The following TSGA13 variants were observed in gnomAD, a reference collection of about 807,000 sequenced individuals.
TSGA13 encodes testis-specific gene 13 protein.
A neutral mutation model predicts 35.1 loss-of-function variants in TSGA13; 37 were observed. That is an observed-to-expected ratio of 1.05 (90% CI 0.81 to 1.39). The LOEUF (loss-of-function observed/expected upper bound fraction) is 1.39, where lower values mean the gene tolerates loss of function less well. Ranked by LOEUF, TSGA13 falls within the 40% of genes most tolerant of loss-of-function variation. TSGA13 has a pLI of 0.00. For missense variants in TSGA13, 338 were observed against 328.5 expected (o/e 1.03, Z -0.22); for synonymous variants, 124 against 121.2 (o/e 1.02, Z -0.15).
intron 3 of TSGA13, among the ~76,000 whole-genome samples, chr7:130,683,036 G>GT (rs1247220071): frequency 1.2e-4 from 19 of 152,116 alleles, no homozygotes; most frequent in Admixed American, 1.0e-3. Flanking sequence ...TCTCTTACAG[G>GT]TTTTTTAAAA....
At chr7:130,673,047 G>A (rs1475821670) in intron 5 of TSGA13, among the ~76,000 whole-genome samples, 171 bp from the exon 6 acceptor site, 1 of 152,136 alleles carries the variant, frequency 6.6e-6, no homozygotes, top group East Asian at 1.9e-4. Flanking sequence ...CCGTTCCCTG[G>A]GAGGGAAAAC....
intron 5 of TSGA13, among the ~76,000 whole-genome samples, chr7:130,675,016 C>A (rs1217357909): frequency 2.0e-5 from 3 of 152,074 alleles, no homozygotes; most frequent in African/African-American, 7.2e-5. Flanking sequence ...AGATAACTAT[C>A]CAGCCATAAG....
chr7:130,672,869 T>C lies in TSGA13; in HGVS notation c.395A>G (p.His132Arg). The change falls in exon 6 of 8, where the codon CAT becomes CGT. Residue 132 changes from histidine (H) to arginine (R), a missense_variant. Coordinates refer to ENST00000356588, the MANE Select transcript of TSGA13 (RefSeq NM_052933.4). Reference sequence around the variant, plus strand: ...GTTCTCAGTGGGTTTGTGCTGATGATGACTTTCCTGTAGGGAAACGAGGGA... The same window carrying C: ...GTTCTCAGTGGGTTTGTGCTGATGACGACTTTCCTGTAGGGAAACGAGGGA... ...KELLLKVMES[H>R]HQHKPTENLW... 1 of 1,613,586 alleles carries C rather than the reference T, an allele frequency of 6.2e-7. No individual in the cohort carries two copies. The highest frequency in any genetic ancestry group is 8.5e-7 in the Non-Finnish European group (1 of 1,179,784).
chr7:130,671,790 T>A lies in TSGA13; in HGVS notation c.531-2A>T. 6.3e-7 allele frequency: 1 copy of A among 1,574,830 alleles called. No homozygotes were observed. The highest frequency in any genetic ancestry group is 8.6e-7 in the Non-Finnish European group (1 of 1,156,238). ...TTGAAATCATTGTCAGTGGAAAACCTTAACAAAGAAAGTTCTTTGTTTAGT... is the reference window on the plus strand; with the variant it reads ...TTGAAATCATTGTCAGTGGAAAACCATAACAAAGAAAGTTCTTTGTTTAGT... On this transcript the variant is annotated splice_acceptor_variant, in intron 6 of 7. Coordinates refer to ENST00000356588, the MANE Select transcript of TSGA13 (RefSeq NM_052933.4). LOFTEE classifies it high-confidence loss of function.
Position 130,672,791 on chromosome 7 carries a change from G to C in TSGA13, c.473C>G (p.Pro158Arg), listed in dbSNP as rs781824581. The change falls in exon 6 of 8, where the codon CCA becomes CGA. Residue 158 changes from proline (P) to arginine (R), a missense_variant. Physicochemically the swap from Pro to Arg is moderately radical, Grantham distance 103. Transcript: ENST00000356588. ...ATCCGACAGTATCAAAGGGAAGATT[G>C]GTTTCAGCTTAGATCTTAACTTTTT... ...QKKKLRSKLK[P>R]IFPLILSDDP... The C allele has an allele frequency of 6.2e-7, 1 of 1,614,058 alleles. No individual in the cohort carries two copies. Among genetic ancestry groups the C allele is most frequent in the East Asian group, 2.2e-5 (1 of 44,874 alleles).
intron 3 of TSGA13, 125 bp from the exon 4 acceptor site, chr7:130,681,142 G>T: frequency 1.3e-6 from 1 of 775,066 alleles, no homozygotes; most frequent in Non-Finnish European, 2.1e-6. Context: ...AGTTAGAGAA[G>T]TACAGTTAGA....
At chr7:130,676,362 T>C (rs1215768358) in intron 5 of TSGA13, among the ~76,000 whole-genome samples, 1 of 152,230 alleles carries the variant, frequency 6.6e-6, no homozygotes, top group East Asian at 1.9e-4. Flanking sequence ...GTACCACAAT[T>C]TGCTCATCAA....
chr7:130,672,923 T>C (rs76213788), intron 5 of TSGA13, 47 bp from the exon 6 acceptor site: 44,052 of 1,547,592 alleles, frequency 0.028, 1,322 homozygotes, highest in African/African-American at 0.15. Flanking sequence ...GCTGAGTCCC[T>C]TGGGATTTTA....
chr7:130,670,373 C>T (rs1187589744), intron 7 of TSGA13, among the ~76,000 whole-genome samples: 5 of 152,118 alleles, frequency 3.3e-5, no homozygotes, highest in African/African-American at 1.2e-4. Context: ...CTTTGTGGGA[C>T]AGGCAAGGAT....
At chr7:130,669,204 C>G in intron 7 of TSGA13, 21 bp from the exon 8 acceptor site, 2 of 1,613,962 alleles carry the variant, frequency 1.2e-6, no homozygotes, top group Non-Finnish European at 1.7e-6. Context: ...GCACAGGCAC[C>G]CTGGTGAATG....
chr7:130,679,256 A>T lies in TSGA13; in HGVS notation c.286T>A (p.Leu96Ile). The change falls in exon 5 of 8, where the codon TTA becomes ATA. Residue 96 changes from leucine (L) to isoleucine (I), a missense_variant. Transcript: ENST00000356588. ...KVTQYDQDKT[L>I]LIMTNNPPPC... ...GGTGGGTTGTTGGTCATAATCAGTA[A>T]CGTCTTATCCTGGTCATACTGTGTT... 2 of 1,614,052 alleles carry T rather than the reference A, an allele frequency of 1.2e-6. No individual in the cohort carries two copies. Among genetic ancestry groups the T allele is most frequent in the Non-Finnish European group, 8.5e-7 (1 of 1,179,996 alleles).
intron 5 of TSGA13, among the ~76,000 whole-genome samples, chr7:130,674,169 CTTTTTTTTTTT>C (rs1162370815): frequency 2.0e-5 from 2 of 98,448 alleles, no homozygotes; most frequent in African/African-American, 7.1e-5. Flanking sequence ...TTCTTTTTTT[CTTTTTTTTTTT>C]TTTTTTTTTG....
intron 2 of TSGA13, among the ~76,000 whole-genome samples, 190 bp downstream of exon 2, chr7:130,684,998 T>C (rs1420332673): frequency 6.6e-6 from 1 of 152,142 alleles, no homozygotes; most frequent in Non-Finnish European, 1.5e-5. Flanking sequence ...AGCTGGTGCT[T>C]TCTTTTTGAC....
At chr7:130,681,185 A>AAC (rs1412191132) in intron 3 of TSGA13, among the ~76,000 whole-genome samples, 168 bp from the exon 4 acceptor site, 4 of 152,158 alleles carry the variant, frequency 2.6e-5, no homozygotes, top group African/African-American at 9.7e-5. Context: ...AGGTTTCTGG[A>AAC]ACAAGGGCCC....
Position 130,668,868 on chromosome 7 carries a change from C to T in TSGA13, c.*146G>A, listed in dbSNP as rs1796170827. 8 of 1,380,710 alleles carry T rather than the reference C, an allele frequency of 5.8e-6. No individual in the cohort carries two copies. The African/African-American group carries it at 5.9e-5, about 10-fold the overall frequency. The allele number at this position is 1,380,710 out of a possible 1,614,324, so 85.5% of individuals were successfully genotyped here. A position where few individuals can be genotyped will look rare whatever the true frequency, so the allele number is the denominator to read the frequency against. The stretch of plus-strand genomic sequence containing the variant: ...CCACGCCCCCTTCTCCTCTTGCGGC[C>T]CGCCGGAGACTTCGGCTCGACCCTC... On this transcript the variant is annotated 3_prime_UTR_variant, in exon 8 of 8. Transcript: ENST00000356588.
intron 7 of TSGA13, 72 bp from the exon 8 acceptor site, chr7:130,669,255 G>A (rs1796188201): frequency 1.9e-6 from 3 of 1,594,694 alleles, no homozygotes; most frequent in African/African-American, 1.3e-5. Flanking sequence ...AATGTGAGAT[G>A]TAAAGGAGAC....
At chr7:130,684,974 G>A (rs1024296546) in intron 2 of TSGA13, among the ~76,000 whole-genome samples, 1 of 152,114 alleles carries the variant, frequency 6.6e-6, no homozygotes, top group Admixed American at 6.5e-5. Flanking sequence ...GCCCAACAGC[G>A]TCCATCTGGA....
At chr7:130,672,587 TG>T in intron 6 of TSGA13, 146 bp downstream of exon 6, 1 of 953,500 alleles carries the variant, frequency 1.0e-6, no homozygotes, top group Non-Finnish European at 1.4e-6. Flanking sequence ...CATGTGTCAA[TG>T]AGGTTAGGGT....
At position 130,685,373 on chromosome 7, in the gene TSGA13, C is replaced by A. The variant is rs17165065; in HGVS notation, c.-150-13G>T. ...CCCATTCTTGAGCCTGTATGGGAAA[C>A]AAGAAAAGACTGATAGGTGCTATTG... On this transcript the variant is annotated splice_polypyrimidine_tract_variant and intron_variant, in intron 1 of 7. Transcript: ENST00000356588. 6.6e-3 allele frequency: 9,359 copies of A among 1,419,372 alleles called. 229 individuals are homozygous for A. In the African/African-American group the frequency reaches 0.076, roughly 11 times the overall value. 87.9% of individuals were successfully genotyped at this position (1,419,372 alleles called of 1,614,324 possible). A position where few individuals can be genotyped will look rare whatever the true frequency, so the allele number is the denominator to read the frequency against.
Sources: allele counts gnomAD v4.1 joint callset (sites outside exome capture counted in the v4.1 genomes callset), GRCh38; gene constraint gnomAD v4.1.1; transcripts MANE v1.5; gene names NCBI Gene and HGNC (gene_info 2026-07-23, HGNC 2026-07-21).